Variants in GRM8 observed in about 807,000 individuals in gnomAD.
GRM8 encodes glutamate metabotropic receptor 8.
Under a neutral mutation model 87.2 loss-of-function variants are expected in GRM8, and 47 were observed. The ratio of observed to expected loss-of-function variants is 0.54; its 90% CI spans 0.43 to 0.69. The LOEUF is 0.69. Ranked by LOEUF, GRM8 falls within the 30% of genes least tolerant of loss-of-function variation. The probability of loss-of-function intolerance (pLI) is 0.00; values close to 1 mark genes in which losing one functional copy is unlikely to be tolerated. For missense variants in GRM8, 1,019 were observed against 1,139.2 expected (o/e 0.89, Z 1.52); for synonymous variants, 396 against 404.5 (o/e 0.98, Z 0.25).
chr7:126,628,323 G>A (rs187136965), intron 7 of GRM8, among the ~76,000 whole-genome samples: 1 of 152,194 alleles, frequency 6.6e-6, no homozygotes, highest in Non-Finnish European at 1.5e-5. Context: ...AGGATTACAG[G>A]CGTGAGCCAC....
rs759583815 is a variant in GRM8, at chr7:126,903,775, G to GTGTGTATA, written c.1018+196_1018+197insTATACACA. Among the ~76,000 whole-genome samples, 666 of 87,646 alleles carry GTGTGTATA rather than the reference G, an allele frequency of 7.6e-3. 79 individuals carry two copies. The East Asian group carries it at 0.094, about 12-fold the overall frequency. 57.5% of individuals were successfully genotyped at this position (87,646 alleles called of 152,430 possible). ...TATGTGTATATATATATGTGTGTGT[G>GTGTGTATA]TATATATATATATATATATATATAT... On this transcript the variant is annotated intron_variant, in intron 5 of 10. Coordinates refer to ENST00000339582, the MANE Select transcript of GRM8 (RefSeq NM_000845.3).
chr7:126,892,550 G>A (rs1433154815), intron 6 of GRM8, among the ~76,000 whole-genome samples: 2 of 151,988 alleles, frequency 1.3e-5, no homozygotes, highest in African/African-American at 4.8e-5. Flanking sequence ...TGGACATTTG[G>A]GTTGGTTCCA....
At chr7:126,633,456 T>G (rs1426972101) in intron 7 of GRM8, among the ~76,000 whole-genome samples, 1 of 152,170 alleles carries the variant, frequency 6.6e-6, no homozygotes, top group East Asian at 1.9e-4. Context: ...CCTGAAGATC[T>G]TGATGTTATT....
chr7:126,943,428 T>C (rs1379039847), intron 3 of GRM8, among the ~76,000 whole-genome samples: 4 of 152,178 alleles, frequency 2.6e-5, no homozygotes, highest in Non-Finnish European at 5.9e-5. Context: ...ACAGGTGTGG[T>C]AGGCACCAAT....
chr7:126,710,957 G>A (rs1811037162), intron 7 of GRM8, among the ~76,000 whole-genome samples: 1 of 152,194 alleles, frequency 6.6e-6, no homozygotes, highest in Non-Finnish European at 1.5e-5. Flanking sequence ...TGGATCACTT[G>A]AGGCCAGGAG....
At chr7:127,089,776 A>T (rs1823873379) in intron 3 of GRM8, among the ~76,000 whole-genome samples, 1 of 152,182 alleles carries the variant, frequency 6.6e-6, no homozygotes. Context: ...CTCATCTAAC[A>T]CTACTTAAGG....
At chr7:126,757,910 C>T (rs1375945892) in intron 7 of GRM8, among the ~76,000 whole-genome samples, 1 of 152,160 alleles carries the variant, frequency 6.6e-6, no homozygotes, top group African/African-American at 2.4e-5. Flanking sequence ...GGTCATTTTA[C>T]TCCCATATCT....
intron 7 of GRM8, among the ~76,000 whole-genome samples, chr7:126,639,859 A>T (rs2151199531): frequency 6.6e-6 from 1 of 152,340 alleles, no homozygotes; most frequent in African/African-American, 2.4e-5. Flanking sequence ...AGCACTCTCT[A>T]GTTGGATGAT....
chr7:126,832,188 AAAAGAAAAGATAAAG>A (rs1249024641), intron 6 of GRM8, among the ~76,000 whole-genome samples: 10 of 151,740 alleles, frequency 6.6e-5, no homozygotes, highest in Admixed American at 6.6e-4. Context: ...AAAAAAAAGA[AAAAGAAAAGATAAAG>A]AAAGAAAAGA....
At chr7:127,165,075 CAT>C (rs1793352220) in intron 2 of GRM8, among the ~76,000 whole-genome samples, 1 of 142,310 alleles carries the variant, frequency 7.0e-6, no homozygotes, top group African/African-American at 2.6e-5. Flanking sequence ...CGGTGAAAAA[CAT>C]AAAGCCCCTG....
At chr7:126,933,606 G>T (rs2131464226) in intron 3 of GRM8, among the ~76,000 whole-genome samples, 1 of 152,342 alleles carries the variant, frequency 6.6e-6, no homozygotes, top group East Asian at 1.9e-4. Flanking sequence ...TAGGAGGACA[G>T]TGGGGAAGTC....
chr7:126,944,759 A>G (rs1209657904), intron 3 of GRM8, among the ~76,000 whole-genome samples: 2 of 152,220 alleles, frequency 1.3e-5, no homozygotes, highest in Admixed American at 1.3e-4. Context: ...CAAAATACAT[A>G]AAGAACTTAC....
intron 3 of GRM8, among the ~76,000 whole-genome samples, chr7:126,954,080 G>C (rs1808441743): frequency 6.6e-6 from 1 of 152,086 alleles, no homozygotes; most frequent in Admixed American, 6.6e-5. Flanking sequence ...ACTTTTCCTT[G>C]TTGCTTTCTT....
intron 6 of GRM8, among the ~76,000 whole-genome samples, chr7:126,785,797 C>T (rs760518874): frequency 5.3e-5 from 8 of 151,996 alleles, no homozygotes; most frequent in African/African-American, 9.7e-5. Context: ...AAAGCAGTGC[C>T]GCTGCACCCT....
intron 3 of GRM8, among the ~76,000 whole-genome samples, chr7:127,053,344 TG>T (rs1250247243): frequency 6.6e-6 from 1 of 152,234 alleles, no homozygotes; most frequent in African/African-American, 2.4e-5. Context: ...TCCATTGATC[TG>T]GCATTGTGGC....
Position 126,533,793 on chromosome 7 carries a change from T to C in GRM8, c.1589A>G (p.Lys530Arg), listed in dbSNP as rs1370916824. The C allele has an allele frequency of 2.5e-6, 4 of 1,613,910 alleles. No individual in the cohort carries two copies. The highest frequency in any genetic ancestry group is 3.3e-5 in the Admixed American group (2 of 60,006). Reference protein sequence around the residue: ...CKPGERKKTVKGVPCCWHCER... With the variant: ...CKPGERKKTVRGVPCCWHCER... Reference sequence around the variant, plus strand: ...ACAGTGCCAGCAGCAAGGGACCCCTTTCACCGTTTTCTTCCTCTCCCCTGG... The same window carrying C: ...ACAGTGCCAGCAGCAAGGGACCCCTCTCACCGTTTTCTTCCTCTCCCCTGG... The change falls in exon 9 of 11, where the codon AAA becomes AGA. Residue 530 changes from lysine to arginine, a missense_variant. By Grantham distance (26) the Lys-to-Arg change is conservative. Transcript: ENST00000339582.
intron 6 of GRM8, among the ~76,000 whole-genome samples, chr7:126,842,659 G>A (rs1286747358): frequency 2.0e-5 from 3 of 152,182 alleles, no homozygotes; most frequent in Non-Finnish European, 2.9e-5. Context: ...GAGGAAGAGG[G>A]AGGCAGAAGA....
chr7:127,218,897 C>A (rs1415132323), intron 2 of GRM8, among the ~76,000 whole-genome samples: 1 of 152,226 alleles, frequency 6.6e-6, no homozygotes, highest in Admixed American at 6.5e-5. Context: ...CCTAATGGTT[C>A]TGTCTGTCAT....
At chr7:127,054,194 A>G (rs1243800987) in intron 3 of GRM8, among the ~76,000 whole-genome samples, 1 of 152,112 alleles carries the variant, frequency 6.6e-6, no homozygotes, top group Non-Finnish European at 1.5e-5. Flanking sequence ...TTTCTTCCTT[A>G]GTACTCCCCT....
Sources: gnomAD v4.1 joint callset for allele counts (sites outside exome capture counted in the v4.1 genomes callset) on GRCh38, gnomAD v4.1.1 for gene constraint, MANE v1.5 for transcripts, NCBI Gene and HGNC (gene_info 2026-07-23, HGNC 2026-07-21) for gene names.